The following RGS9 variants were observed in gnomAD, a reference collection of about 807,000 sequenced individuals.
The protein encoded by RGS9 is regulator of G-protein signalling 9.
In RGS9, 78 loss-of-function variants were observed where a neutral mutation model predicts 102.0. That is an observed-to-expected ratio of 0.76 (90% confidence interval 0.64 to 0.92). The LOEUF is 0.92. RGS9 is among the 40% of genes least tolerant of loss of function. The pLI is 0.00. For synonymous variants in RGS9, 353 were observed against 318.6 expected (o/e 1.11, Z -1.15); for missense variants, 833 against 866.1 (o/e 0.96, Z 0.48).
intron 2 of RGS9, among the ~76,000 whole-genome samples, chr17:65,155,433 A>C (rs9303480): frequency 0.36 from 55,267 of 152,094 alleles, 14,400 homozygotes; most frequent in African/African-American, 0.71. Context: ...TGAGTCACTT[A>C]TTGTCTGTCC....
intron 9 of RGS9, among the ~76,000 whole-genome samples, chr17:65,184,194 T>G (rs1284763147): frequency 6.6e-6 from 1 of 151,870 alleles, no homozygotes; most frequent in Non-Finnish European, 1.5e-5. Context: ...TGTGCGTACT[T>G]TTTTTTTGTA....
chr17:65,172,493 A>G (rs1161988718), intron 8 of RGS9, among the ~76,000 whole-genome samples: 1 of 152,148 alleles, frequency 6.6e-6, no homozygotes, highest in Non-Finnish European at 1.5e-5. Flanking sequence ...TGGCGGCCTG[A>G]CACATAATGT....
chr17:65,153,506 C>G lies in RGS9; in HGVS notation c.142C>G (p.His48Asp). 1 of 1,613,668 alleles carries G rather than the reference C, an allele frequency of 6.2e-7. No homozygotes were observed. Among genetic ancestry groups the G allele is most frequent in the South Asian group, 1.1e-5 (1 of 91,082 alleles). ...GAGGGTCCTGGTCACCAGCGTTCCT[C>G]ATGCCATGACAGGTGATGTAGCTTG... is the stretch of plus-strand genomic sequence containing the variant. ...NQRVLVTSVPHAMTGSDVLQW... is the reference protein window; with the variant it reads ...NQRVLVTSVPDAMTGSDVLQW... The change falls in exon 2 of 19, where the codon CAT (histidine) becomes GAT (aspartate). Residue 48 changes from histidine to aspartate, a missense_variant. Coordinates refer to ENST00000262406, the MANE Select transcript of RGS9 (RefSeq NM_003835.4).
intron 17 of RGS9, among the ~76,000 whole-genome samples, chr17:65,220,383 C>T (rs1174327027): frequency 6.6e-6 from 1 of 152,168 alleles, no homozygotes; most frequent in Admixed American, 6.5e-5. Flanking sequence ...TAGGAGAGGA[C>T]TGACCAGCAA....
chr17:65,204,234 G>C lies in RGS9; in HGVS notation c.1136G>C (p.Gly379Ala), dbSNP rs201229976. ...DGKTMDITVK[G>A]LKHPHRYVLD... ...AAAACCATGGACATCACAGTGAAGG[G>C]GCTGAAGCACCCCCACCGCTATGTG... The change falls in exon 15 of 19, where the codon GGG becomes GCG. Residue 379 changes from glycine to alanine, a missense_variant. Transcript: ENST00000262406. The C allele has an allele frequency of 1.1e-5, 17 of 1,613,338 alleles. No homozygotes were observed. The highest frequency in any genetic ancestry group is 1.3e-5 in the Non-Finnish European group (15 of 1,180,044).
chr17:65,184,884 T>A (rs528531737), intron 9 of RGS9, among the ~76,000 whole-genome samples: 1 of 151,570 alleles, frequency 6.6e-6, no homozygotes, highest in East Asian at 1.9e-4. Context: ...TCTCTTTCTT[T>A]TTTGAGACAA....
At chr17:65,175,915 A>G (rs1911608206) in intron 8 of RGS9, among the ~76,000 whole-genome samples, 1 of 152,272 alleles carries the variant, frequency 6.6e-6, no homozygotes, top group African/African-American at 2.4e-5. Flanking sequence ...TATAATAAGC[A>G]TCAAAATATT....
chr17:65,173,716 C>T lies in RGS9; in HGVS notation c.583-4016C>T, dbSNP rs16960834. 0.018 allele frequency among the ~76,000 whole-genome samples: 2,765 copies of T among 152,294 alleles called. 103 individuals carry two copies. Among genetic ancestry groups the T allele is most frequent in the African/African-American group, 0.063 (2,599 of 41,526 alleles). On this transcript the variant is annotated intron_variant, in intron 8 of 18. Coordinates refer to ENST00000262406, the MANE Select transcript of RGS9 (RefSeq NM_003835.4). The surrounding 1 kb of genome is among the most constrained non-coding windows in gnomAD (Gnocchi z 4.8). ...GCATCGGCTGCCCTTATTTCCTGGG[C>T]GCTGACAGTCAGTTCTGGTTAACTT...
At chr17:65,224,721 C>T (rs1232945927) in intron 17 of RGS9, among the ~76,000 whole-genome samples, 1 of 152,120 alleles carries the variant, frequency 6.6e-6, no homozygotes, top group Non-Finnish European at 1.5e-5. Context: ...GCATCCTTGG[C>T]CTGGAAGAAG....
chr17:65,157,907 TTG>T (rs1376662384), intron 2 of RGS9, among the ~76,000 whole-genome samples: 1 of 151,922 alleles, frequency 6.6e-6, no homozygotes. Context: ...CGGGTCTGTT[TTG>T]TGTGTGTGTA....
intron 9 of RGS9, among the ~76,000 whole-genome samples, chr17:65,183,061 AATCTATCTATCTATCTATCT>A (rs68149271): frequency 1.8e-4 from 21 of 114,410 alleles, no homozygotes; most frequent in South Asian, 4.9e-4. Context: ...AATTTTTTTA[AATCTATCTATCTATCTATCT>A]ATCTATCTAT....
chr17:65,150,474 T>A (rs548824928), intron 1 of RGS9, among the ~76,000 whole-genome samples: 2 of 151,852 alleles, frequency 1.3e-5, no homozygotes, highest in Non-Finnish European at 2.9e-5. Flanking sequence ...ATACAAAAAT[T>A]AGCTGGGCGT....
At chr17:65,146,242 G>A (rs1910354644) in intron 1 of RGS9, among the ~76,000 whole-genome samples, 1 of 152,136 alleles carries the variant, frequency 6.6e-6, no homozygotes, top group Admixed American at 6.5e-5. Context: ...TTTGAATGAA[G>A]GCAGCCTTTC....
chr17:65,160,716 T>A lies in RGS9; in HGVS notation c.364+129T>A. The A allele has an allele frequency of 2.2e-6, 3 of 1,385,268 alleles. 1 individual carries two copies. In the South Asian group the frequency reaches 3.6e-5, roughly 16 times the overall value. The allele number at this position is 1,385,268 out of a possible 1,614,324, so 85.8% of individuals were successfully genotyped here. A position where few individuals can be genotyped will look rare whatever the true frequency, so the allele number is the denominator to read the frequency against. On this transcript the variant is annotated intron_variant, in intron 5 of 18. Transcript: ENST00000262406. The stretch of plus-strand genomic sequence containing the variant: ...TGTCAGTCCACATCTGTACTGGGCA[T>A]GTCCCCAGGGGCAAGGGGCTGGGTG...
intron 17 of RGS9, among the ~76,000 whole-genome samples, chr17:65,217,263 G>A (rs185412484): frequency 1.1e-4 from 17 of 152,338 alleles, no homozygotes; most frequent in African/African-American, 4.1e-4. Flanking sequence ...GTGGATCAGA[G>A]CATGGGGCTC....
intron 1 of RGS9, among the ~76,000 whole-genome samples, chr17:65,151,679 G>A (rs1416700852): frequency 2.0e-5 from 3 of 152,216 alleles, no homozygotes; most frequent in African/African-American, 7.2e-5. Flanking sequence ...TCCAGAAGTG[G>A]CTTCTTCTTT....
intron 17 of RGS9, among the ~76,000 whole-genome samples, chr17:65,215,717 C>G (rs1463915818): frequency 6.6e-6 from 1 of 151,970 alleles, no homozygotes; most frequent in Non-Finnish European, 1.5e-5. Context: ...CCCACCACCA[C>G]GCCTGGCTAA....
chr17:65,194,545 A>G (rs902820020), intron 12 of RGS9, among the ~76,000 whole-genome samples: 3 of 152,086 alleles, frequency 2.0e-5, no homozygotes, highest in African/African-American at 7.3e-5. Flanking sequence ...CTGGGCGGGC[A>G]GGGCCCTAAA....
intron 17 of RGS9, among the ~76,000 whole-genome samples, chr17:65,212,373 G>A (rs1001939512): frequency 6.6e-6 from 1 of 152,224 alleles, no homozygotes; most frequent in Non-Finnish European, 1.5e-5. Flanking sequence ...ATGTGGTACT[G>A]GGATAGGAAA....
Sources: allele counts gnomAD v4.1 joint callset (sites outside exome capture counted in the v4.1 genomes callset), GRCh38; gene constraint gnomAD v4.1.1; non-coding constraint Gnocchi (gnomAD v3.1); transcripts MANE v1.5; gene names NCBI Gene and HGNC (gene_info 2026-07-23, HGNC 2026-07-21).